Variants in CNTNAP2 observed in about 807,000 individuals in gnomAD.
CNTNAP2 encodes contactin associated protein 2.
In CNTNAP2, 98 loss-of-function variants were observed where a neutral mutation model predicts 155.2. The observed-to-expected ratio is 0.63, with a 90% CI of 0.54 to 0.75. CNTNAP2 has a LOEUF of 0.75. Among genes scored for constraint, CNTNAP2 ranks in the 30% least tolerant of loss-of-function variants. The pLI is 0.00. For synonymous variants in CNTNAP2, 651 were observed against 631.2 expected (o/e 1.03, Z -0.47); for missense variants, 1,727 against 1,688.1 (o/e 1.02, Z -0.40).
chr7:148,343,122 G>T (rs948219750), intron 21 of CNTNAP2, among the ~76,000 whole-genome samples: 1 of 152,180 alleles, frequency 6.6e-6, no homozygotes, highest in Non-Finnish European at 1.5e-5. Flanking sequence ...TGAGGTCCCC[G>T]CTGTTTAGCT....
intron 12 of CNTNAP2, among the ~76,000 whole-genome samples, chr7:147,598,933 A>T (rs555031706): frequency 6.6e-6 from 1 of 152,248 alleles, no homozygotes; most frequent in South Asian, 2.1e-4. Context: ...TGTGATGATT[A>T]TAAGTTTCCT....
intron 21 of CNTNAP2, among the ~76,000 whole-genome samples, chr7:148,346,864 A>G (rs1181228100): frequency 6.6e-6 from 1 of 152,048 alleles, no homozygotes; most frequent in Non-Finnish European, 1.5e-5. Flanking sequence ...ATAATACTAG[A>G]TGGTTACCTT....
chr7:146,343,575 G>A (rs1285163516), intron 1 of CNTNAP2, among the ~76,000 whole-genome samples: 4 of 151,944 alleles, frequency 2.6e-5, no homozygotes, highest in African/African-American at 9.7e-5. Flanking sequence ...AGAAAGAAAA[G>A]GAATTTGCAG....
intron 1 of CNTNAP2, among the ~76,000 whole-genome samples, chr7:146,310,669 A>G (rs753108936): frequency 6.6e-6 from 1 of 152,038 alleles, no homozygotes; most frequent in Non-Finnish European, 1.5e-5. Context: ...CTATATTATT[A>G]CCATTGTGAT....
chr7:147,886,496 A>T (rs888003096), intron 13 of CNTNAP2, among the ~76,000 whole-genome samples: 11 of 121,858 alleles, frequency 9.0e-5, no homozygotes, highest in African/African-American at 3.9e-4. Flanking sequence ...AAAAAAAAAA[A>T]AAAAAAAGAT....
At chr7:147,184,935 T>C (rs1802532948) in intron 8 of CNTNAP2, among the ~76,000 whole-genome samples, 1 of 152,174 alleles carries the variant, frequency 6.6e-6, no homozygotes, top group Non-Finnish European at 1.5e-5. Context: ...TTGGTACTAT[T>C]GGGAAAACGT....
At chr7:148,208,528 A>G (rs1161563675) in intron 18 of CNTNAP2, among the ~76,000 whole-genome samples, 1 of 152,184 alleles carries the variant, frequency 6.6e-6, no homozygotes, top group Non-Finnish European at 1.5e-5. Flanking sequence ...AATGCCTTAC[A>G]GAGAAGCTGA....
intron 8 of CNTNAP2, among the ~76,000 whole-genome samples, chr7:147,212,285 T>C (rs933356476): frequency 2.0e-5 from 3 of 152,118 alleles, no homozygotes; most frequent in African/African-American, 7.2e-5. Context: ...AAAAGATACA[T>C]GCACTCATAT....
chr7:147,842,770 G>C (rs1263820633), intron 13 of CNTNAP2, among the ~76,000 whole-genome samples: 5 of 77,046 alleles, frequency 6.5e-5, no homozygotes, highest in Non-Finnish European at 1.3e-4. Flanking sequence ...AGTCCCCAGA[G>C]TGTGATATTC....
chr7:147,558,693 GTTCTTTCC>G (rs979153834), intron 11 of CNTNAP2, among the ~76,000 whole-genome samples: 6 of 124,854 alleles, frequency 4.8e-5, no homozygotes, highest in African/African-American at 1.8e-4. Context: ...TCCTTCGTTC[GTTCTTTCC>G]TTCCTTCCTT....
intron 16 of CNTNAP2, among the ~76,000 whole-genome samples, chr7:148,135,809 A>G (rs2116634681): frequency 8.3e-6 from 1 of 120,848 alleles, no homozygotes; most frequent in East Asian, 2.9e-4. Context: ...AGATAGTGCC[A>G]CTGCACTCCA....
At chr7:148,086,800 G>A (rs552715112) in intron 15 of CNTNAP2, among the ~76,000 whole-genome samples, 39 of 152,292 alleles carry the variant, frequency 2.6e-4, no homozygotes, top group African/African-American at 9.1e-4. Flanking sequence ...AGATCCAGGT[G>A]TCTAAGGAGA....
chr7:146,256,917 G>T (rs1799847832), intron 1 of CNTNAP2, among the ~76,000 whole-genome samples: 2 of 152,148 alleles, frequency 1.3e-5, no homozygotes, highest in Admixed American at 1.3e-4. Context: ...ATTCATTTAA[G>T]CTAGAACAAG....
At chr7:147,243,995 A>G (rs1259437049) in intron 8 of CNTNAP2, among the ~76,000 whole-genome samples, 4 of 152,200 alleles carry the variant, frequency 2.6e-5, no homozygotes, top group Non-Finnish European at 5.9e-5. Context: ...TCTCCTTTAC[A>G]CATAATCAGT....
intron 1 of CNTNAP2, among the ~76,000 whole-genome samples, chr7:146,658,335 T>C (rs1192691023): frequency 2.0e-5 from 3 of 151,892 alleles, no homozygotes; most frequent in Non-Finnish European, 1.5e-5. Flanking sequence ...ATAGTGCTGG[T>C]GTTTGAACGG....
chr7:146,710,163 A>G (rs781163898), intron 1 of CNTNAP2, among the ~76,000 whole-genome samples: 6 of 151,818 alleles, frequency 4.0e-5, no homozygotes, highest in Non-Finnish European at 7.4e-5. Flanking sequence ...TGAATGAAAC[A>G]TGGATTAGGA....
chr7:147,771,922 A>T (rs1164527910), intron 13 of CNTNAP2, among the ~76,000 whole-genome samples: 1 of 152,152 alleles, frequency 6.6e-6, no homozygotes, highest in African/African-American at 2.4e-5. Context: ...TAATTGAATA[A>T]TTACAATTTC....
chr7:147,036,621 A>G (rs539839169), intron 3 of CNTNAP2, among the ~76,000 whole-genome samples: 1 of 152,308 alleles, frequency 6.6e-6, no homozygotes, highest in Non-Finnish European at 1.5e-5. Context: ...AATAGCCAGA[A>G]CATGAAATTC....
At chr7:147,227,653 CA>C (rs1803579520) in intron 8 of CNTNAP2, among the ~76,000 whole-genome samples, 1 of 152,180 alleles carries the variant, frequency 6.6e-6, no homozygotes, top group African/African-American at 2.4e-5. Flanking sequence ...TTAGAAAGTT[CA>C]AAGTTGTCAT....
Sources: gnomAD v4.1 joint callset for allele counts (sites outside exome capture counted in the v4.1 genomes callset) on GRCh38, gnomAD v4.1.1 for gene constraint, MANE v1.5 for transcripts, NCBI Gene and HGNC (gene_info 2026-07-23, HGNC 2026-07-21) for gene names.